Variants in ARHGEF9 observed in about 807,000 individuals in gnomAD.
ARHGEF9 encodes Cdc42 guanine nucleotide exchange factor 9.
Under a neutral mutation model 41.3 loss-of-function variants are expected in ARHGEF9, and 2 were observed. The ratio of observed to expected loss-of-function variants is 0.05; its 90% CI spans 0.02 to 0.15. The LOEUF is 0.15. ARHGEF9 is among the 10% of genes least tolerant of loss of function. The pLI is 1.00. For synonymous variants in ARHGEF9, 160 were observed against 154.4 expected (o/e 1.04, Z -0.27); for missense variants, 225 against 424.7 (o/e 0.53, Z 4.13).
chrX:63,637,512 A>T lies in ARHGEF9; in HGVS notation c.*516T>A. ...TCCCTTCCTCAATGGAAAGTAAAAG[A>T]GGGGAAAAAACCCTGAAACCTCCCA... is the stretch of plus-strand genomic sequence containing the variant. On this transcript the variant is annotated 3_prime_UTR_variant, in exon 10 of 10. Transcript: ENST00000671741. The T allele has an allele frequency of 3.6e-6, 1 of 277,682 alleles. No homozygotes were observed. Among genetic ancestry groups the T allele is most frequent in the Non-Finnish European group, 6.3e-6 (1 of 158,243 alleles). The allele number at this position is 277,682 out of a possible 1,213,427, so 22.9% of individuals were successfully genotyped here. A position where few individuals can be genotyped will look rare whatever the true frequency, so the allele number is the denominator to read the frequency against.
chrX:63,758,813 A>T (rs2055978721), intron 1 of ARHGEF9, among the ~76,000 whole-genome samples: 1 of 112,108 alleles, frequency 8.9e-6, no homozygotes, highest in East Asian at 2.8e-4. Context: ...ATTAAACTGT[A>T]TTGTATTTTT....
At chrX:63,672,599 C>G (rs1317946017) in intron 6 of ARHGEF9, among the ~76,000 whole-genome samples, 1 of 110,883 alleles carries the variant, frequency 9.0e-6, no homozygotes, top group Non-Finnish European at 1.9e-5. Context: ...ATTTTTGGTT[C>G]CCCATGGCTC....
intron 1 of ARHGEF9, among the ~76,000 whole-genome samples, chrX:63,784,499 C>A (rs2056429368): frequency 8.9e-6 from 1 of 112,519 alleles, no homozygotes; most frequent in East Asian, 2.8e-4. Context: ...GCAGCTGTCT[C>A]TCCTTGACAA....
intron 8 of ARHGEF9, 91 bp from the exon 9 acceptor site, chrX:63,644,139 G>A: frequency 8.7e-6 from 5 of 571,480 alleles, no homozygotes; most frequent in Non-Finnish European, 1.0e-5. Context: ...AGAAAGATTT[G>A]CTAAGACATA....
At chrX:63,691,334 G>C (rs1556381229) in intron 4 of ARHGEF9, among the ~76,000 whole-genome samples, 1 of 110,718 alleles carries the variant, frequency 9.0e-6, no homozygotes, top group East Asian at 2.8e-4. Context: ...GTGCACTTCT[G>C]TTTGCCAATA....
chrX:63,677,654 C>T (rs1266367831), intron 5 of ARHGEF9, among the ~76,000 whole-genome samples: 8 of 111,050 alleles, frequency 7.2e-5, no homozygotes, highest in Admixed American at 1.9e-4. Flanking sequence ...CACTCTGGAG[C>T]GCAAGGGGTG....
chrX:63,767,595 A>G (rs1368363177), intron 1 of ARHGEF9, among the ~76,000 whole-genome samples: 3 of 112,431 alleles, frequency 2.7e-5, no homozygotes, highest in Non-Finnish European at 5.6e-5. Flanking sequence ...CTTTAGTTAA[A>G]AAAAGAAGAA....
chrX:63,741,325 T>A (rs1394156296), intron 1 of ARHGEF9, among the ~76,000 whole-genome samples: 7 of 112,348 alleles, frequency 6.2e-5, no homozygotes, highest in African/African-American at 2.3e-4. Context: ...ATCTTGAACA[T>A]CCATTTTATT....
chrX:63,768,187 T>C (rs1393916690), intron 1 of ARHGEF9, among the ~76,000 whole-genome samples: 2 of 111,866 alleles, frequency 1.8e-5, no homozygotes, highest in Non-Finnish European at 3.8e-5. Context: ...TATGCCTTTG[T>C]GTACCCATAG....
At chrX:63,712,280 C>T (rs2052988136) in intron 2 of ARHGEF9, among the ~76,000 whole-genome samples, 2 of 111,720 alleles carry the variant, frequency 1.8e-5, no homozygotes, top group Non-Finnish European at 3.8e-5. Context: ...GGTGCGTACT[C>T]AAGAGAAATA....
chrX:63,784,176 G>T (rs2056424709), intron 1 of ARHGEF9, among the ~76,000 whole-genome samples: 2 of 112,128 alleles, frequency 1.8e-5, no homozygotes, highest in Non-Finnish European at 3.8e-5. Context: ...CAACCTAACT[G>T]CCTTCTAAGG....
At chrX:63,696,509 C>T (rs782419473) in intron 4 of ARHGEF9, among the ~76,000 whole-genome samples, 5 of 111,693 alleles carry the variant, frequency 4.5e-5, no homozygotes, top group East Asian at 2.8e-4. Context: ...GCTCCATCCT[C>T]GAAGTCCATG....
intron 6 of ARHGEF9, among the ~76,000 whole-genome samples, chrX:63,668,149 T>A (rs1602312185): frequency 1.8e-5 from 2 of 110,856 alleles, no homozygotes; most frequent in African/African-American, 6.6e-5. Flanking sequence ...TTTTTTCTTT[T>A]TTGAGACAGA....
At chrX:63,668,913 C>T (rs1556351928) in intron 6 of ARHGEF9, among the ~76,000 whole-genome samples, 1 of 112,093 alleles carries the variant, frequency 8.9e-6, no homozygotes, top group Non-Finnish European at 1.9e-5. Context: ...CACCCAATCT[C>T]CTCCTACTGT....
chrX:63,657,998 C>T (rs150927734), intron 7 of ARHGEF9: 1 of 112,253 alleles, frequency 8.9e-6, no homozygotes, highest in East Asian at 2.8e-4. Context: ...CAGTCCGCAG[C>T]CTCCTTCCGC....
At chrX:63,667,718 G>A (rs1163733844) in intron 6 of ARHGEF9, among the ~76,000 whole-genome samples, 4 of 110,225 alleles carry the variant, frequency 3.6e-5, no homozygotes, top group Admixed American at 9.6e-5. Context: ...CCCCACTGCC[G>A]AAAAAAAGCT....
At chrX:63,669,400 G>A (rs2049798831) in intron 6 of ARHGEF9, among the ~76,000 whole-genome samples, 1 of 111,760 alleles carries the variant, frequency 8.9e-6, no homozygotes, top group African/African-American at 3.3e-5. Context: ...ATAGGGCCTG[G>A]CATATGAGGG....
intron 1 of ARHGEF9, among the ~76,000 whole-genome samples, chrX:63,739,422 C>T (rs1461312137): frequency 2.7e-5 from 3 of 111,438 alleles, no homozygotes; most frequent in Non-Finnish European, 5.7e-5. Flanking sequence ...AAAGCTGTGC[C>T]CCAGAGAACC....
intron 4 of ARHGEF9, among the ~76,000 whole-genome samples, chrX:63,690,103 A>G (rs1446349653): frequency 1.8e-5 from 2 of 111,876 alleles, no homozygotes; most frequent in Non-Finnish European, 3.8e-5. Context: ...GGAAGGCAAG[A>G]ACAAACCAAA....
Sources: gnomAD v4.1 joint callset for allele counts (sites outside exome capture counted in the v4.1 genomes callset) on GRCh38, gnomAD v4.1.1 for gene constraint, MANE v1.5 for transcripts, NCBI Gene and HGNC (gene_info 2026-07-23, HGNC 2026-07-21) for gene names.